POLR3B: variants seen among roughly 807,000 people sequenced by gnomAD.
The protein encoded by POLR3B is RNA polymerase III subunit B.
POLR3B carries 96 observed loss-of-function variants against 147.4 expected under a neutral mutation model. That is an observed-to-expected ratio of 0.65 (90% CI 0.55 to 0.77). The LOEUF is 0.77. Among genes scored for constraint, POLR3B ranks in the 30% least tolerant of loss-of-function variants. The pLI, the probability that POLR3B is intolerant of heterozygous loss-of-function variation, is 0.00. For missense variants in POLR3B, 1,036 were observed against 1,413.5 expected (o/e 0.73, Z 4.28); for synonymous variants, 461 against 485.9 (o/e 0.95, Z 0.67).
chr12:106,392,990 C>T, intron 9 of POLR3B, 41 bp from the exon 10 acceptor site: 1 of 1,612,986 alleles, frequency 6.2e-7, no homozygotes, highest in South Asian at 1.1e-5. Context: ...AGTGAGTTAA[C>T]ACAAAGCCAA....
chr12:106,431,997 A>G (rs761465292), intron 14 of POLR3B, among the ~76,000 whole-genome samples: 15 of 152,126 alleles, frequency 9.9e-5, no homozygotes, highest in Non-Finnish European at 2.1e-4. Flanking sequence ...TAATGTTCCA[A>G]TGTCTGGGAG....
intron 12 of POLR3B, among the ~76,000 whole-genome samples, chr12:106,420,505 G>A (rs1007455627): frequency 1.3e-5 from 2 of 152,144 alleles, no homozygotes; most frequent in African/African-American, 4.8e-5. Flanking sequence ...AAAATGAGAT[G>A]TGTACCCAGT....
Position 106,357,754 on chromosome 12 carries a change from A to G in POLR3B, c.-126A>G. ...GGCGGAACCTTTCTACCGCGTCTCT[A>G]GCTAACACGCACGGCGGGGACAGTT... On this transcript the variant is annotated 5_prime_UTR_variant, in exon 1 of 28. Coordinates refer to ENST00000228347, the MANE Select transcript of POLR3B (RefSeq NM_018082.6). The G allele has an allele frequency of 3.1e-6, 3 of 955,700 alleles. No homozygotes were observed. The highest frequency in any genetic ancestry group is 1.4e-5 in the South Asian group (1 of 71,798). 59.2% of individuals were successfully genotyped at this position (955,700 alleles called of 1,614,324 possible). A position where few individuals can be genotyped will look rare whatever the true frequency, so the allele number is the denominator to read the frequency against.
At position 106,495,861 on chromosome 12, in the gene POLR3B, C is replaced by T. The variant is rs373109508; in HGVS notation, c.2714-194C>T. On this transcript the variant is annotated intron_variant, in intron 23 of 27. Coordinates refer to ENST00000228347, the MANE Select transcript of POLR3B (RefSeq NM_018082.6). Reference sequence around the variant, plus strand: ...ACAGTCCACAGGCTGCAGTGCCTTTCGCAAGGAGAGTCGTTTTTGAACTGT... The same window carrying T: ...ACAGTCCACAGGCTGCAGTGCCTTTTGCAAGGAGAGTCGTTTTTGAACTGT... The T allele has an allele frequency of 4.7e-4, 316 of 677,146 alleles. 1 individual carries two copies. Among genetic ancestry groups the T allele is most frequent in the African/African-American group, 1.1e-3 (60 of 56,992 alleles). 41.9% of individuals were successfully genotyped at this position (677,146 alleles called of 1,614,324 possible). A position where few individuals can be genotyped will look rare whatever the true frequency, so the allele number is the denominator to read the frequency against.
intron 23 of POLR3B, among the ~76,000 whole-genome samples, chr12:106,465,039 T>A (rs2037986761): frequency 6.6e-6 from 1 of 152,236 alleles, no homozygotes; most frequent in Non-Finnish European, 1.5e-5. Flanking sequence ...TAACCCTTAA[T>A]GCCCTTTGAG....
intron 23 of POLR3B, among the ~76,000 whole-genome samples, chr12:106,472,197 AT>A (rs1404183005): frequency 7.1e-6 from 1 of 140,114 alleles, no homozygotes; most frequent in African/African-American, 2.7e-5. Flanking sequence ...TGAACTCATC[AT>A]TTTTTATGGC....
intron 11 of POLR3B, among the ~76,000 whole-genome samples, chr12:106,408,873 G>A (rs1405436175): frequency 6.6e-6 from 1 of 152,166 alleles, no homozygotes; most frequent in Non-Finnish European, 1.5e-5. Context: ...TAGACCTAGG[G>A]TTTGCTTTCC....
Position 106,485,162 on chromosome 12 carries a change from GC to G in POLR3B, c.2714-10892del, listed in dbSNP as rs149682631. Among the ~76,000 whole-genome samples the G allele has an allele frequency of 4.2e-3, 643 of 152,294 alleles. 3 individuals carry two copies. The highest frequency in any genetic ancestry group is 0.014 in the African/African-American group (572 of 41,552). ...TTGGAAGTGGAGGAGCGTGGCACCA[GC>G]ATCTGGAGAGGATCATCCCGTGGCA... On this transcript the variant is annotated intron_variant, in intron 23 of 27. Coordinates refer to ENST00000228347, the MANE Select transcript of POLR3B (RefSeq NM_018082.6).
In POLR3B at chr12:106,437,776, ATAAG is replaced by A. The variant is rs1470943915; in HGVS notation, c.1955+4_1955+7del. On this transcript the variant is annotated splice_donor_variant and coding_sequence_variant, in exon 18 of 28. Coordinates refer to ENST00000228347, the MANE Select transcript of POLR3B (RefSeq NM_018082.6). LOFTEE classifies it high-confidence loss of function. ...ATTGCACTGTACGAACACACAATTA[ATAAG>A]TAAGTAGGATCCATAGCAACCATAA... The A allele has an allele frequency of 3.9e-6, 6 of 1,534,362 alleles. No homozygotes were observed. Among genetic ancestry groups the A allele is most frequent in the East Asian group, 4.5e-5 (2 of 44,404 alleles).
chr12:106,463,022 C>T (rs569540515), intron 22 of POLR3B, among the ~76,000 whole-genome samples: 1 of 152,016 alleles, frequency 6.6e-6, no homozygotes, highest in Non-Finnish European at 1.5e-5. Flanking sequence ...TGTCCGAAGG[C>T]TACCAGGATC....
At chr12:106,425,491 C>T (rs2037423423) in intron 12 of POLR3B, among the ~76,000 whole-genome samples, 1 of 152,160 alleles carries the variant, frequency 6.6e-6, no homozygotes, top group Non-Finnish European at 1.5e-5. Flanking sequence ...GTTATTTTTG[C>T]CTCCTGGGAC....
At position 106,496,131 on chromosome 12, in the gene POLR3B, C is replaced by T; in HGVS notation, c.2790C>T (p.Asn930=). 1 of 1,608,680 alleles carries T rather than the reference C, an allele frequency of 6.2e-7. No homozygotes were observed. The highest frequency in any genetic ancestry group is 8.5e-7 in the Non-Finnish European group (1 of 1,175,014). The change falls in exon 24 of 28, where the codon AAC becomes AAT. Residue 930 remains asparagine (N), a synonymous_variant. Transcript: ENST00000228347. The part of the protein sequence containing the change: ...DSGICPDIIM[N]PHGFPSRMTV... ...GCATCTGTCCGGACATCATCATGAA[C>T]CCACACGGCTTCCCATCACGAATGA...
In POLR3B at chr12:106,366,586, G is replaced by A. The variant is rs1302718686; in HGVS notation, c.162+14G>A. On this transcript the variant is annotated intron_variant, in intron 3 of 27. Transcript: ENST00000228347. ...ATTAATGTAGAGGTAAGCATCAGAT[G>A]TTAGAAATAGACATAAACTAAGGAT... The A allele has an allele frequency of 1.2e-6, 2 of 1,601,462 alleles. No homozygotes were observed. The highest frequency in any genetic ancestry group is 1.1e-5 in the South Asian group (1 of 90,798).
In POLR3B at chr12:106,504,055, C is replaced by T. The variant is rs2137088807; in HGVS notation, c.3099-26C>T. 6.2e-7 allele frequency: 1 copy of T among 1,606,122 alleles called. No individual in the cohort carries two copies. Among genetic ancestry groups the T allele is most frequent in the South Asian group, 1.1e-5 (1 of 90,934 alleles). ...TTGTTTGTTTAACAGAATAATAACA[C>T]ATTTGTCTAATAACTTGTTTCAAAG... is the stretch of plus-strand genomic sequence containing the variant. On this transcript the variant is annotated intron_variant, in intron 26 of 27. Transcript: ENST00000228347. This position sits in a 1 kb window ranked among gnomAD's most constrained non-coding sequence, Gnocchi z 4.6.
chr12:106,489,772 G>A (rs1179201360), intron 23 of POLR3B, among the ~76,000 whole-genome samples: 2 of 152,178 alleles, frequency 1.3e-5, no homozygotes, highest in Non-Finnish European at 2.9e-5. Flanking sequence ...ATAACACCTT[G>A]TACTCGTGTA....
intron 23 of POLR3B, among the ~76,000 whole-genome samples, chr12:106,487,254 A>C (rs1461201816): frequency 6.6e-6 from 1 of 152,216 alleles, no homozygotes; most frequent in East Asian, 1.9e-4. Context: ...CGATTCCTGC[A>C]GAGGTTTGTT....
At chr12:106,400,637 A>G (rs1168586205) in intron 10 of POLR3B, among the ~76,000 whole-genome samples, 2 of 152,266 alleles carry the variant, frequency 1.3e-5, no homozygotes, top group African/African-American at 4.8e-5. Context: ...CTCAGACCAC[A>G]GTGGAATCAA....
Position 106,457,261 on chromosome 12 carries a change from A to C in POLR3B, c.2417A>C (p.His806Pro). ...GCTACAAGGAAACCTATCTGGCGAC[A>C]TGAAATCTTAGATGCAGATGGTATT... ...DAATRKPIWRHEILDADGICS... is the reference protein window; with the variant it reads ...DAATRKPIWRPEILDADGICS... The change falls in exon 21 of 28, where the codon CAT (histidine) becomes CCT (proline). Residue 806 changes from histidine to proline, a missense_variant. By Grantham distance (77) the His-to-Pro change is moderately conservative. This residue lies in a region of POLR3B where 202 missense variants were observed against 272.8 expected (regional missense o/e 0.74). Coordinates refer to ENST00000228347, the MANE Select transcript of POLR3B (RefSeq NM_018082.6). 1 of 1,613,914 alleles carries C rather than the reference A, an allele frequency of 6.2e-7. No homozygotes were observed. The highest frequency in any genetic ancestry group is 8.5e-7 in the Non-Finnish European group (1 of 1,179,812).
chr12:106,435,213 C>T (rs531169602), intron 16 of POLR3B, among the ~76,000 whole-genome samples: 8 of 151,938 alleles, frequency 5.3e-5, no homozygotes, highest in South Asian at 2.1e-4. Context: ...CTGCAGCCTC[C>T]GCCTCCCAGG....
Sources: gnomAD v4.1 joint callset for allele counts (sites outside exome capture counted in the v4.1 genomes callset) on GRCh38, gnomAD v4.1.1 for gene constraint, gnomAD v4.1.1 regional missense constraint, Gnocchi (gnomAD v3.1) non-coding constraint, MANE v1.5 for transcripts, NCBI Gene and HGNC (gene_info 2026-07-23, HGNC 2026-07-21) for gene names.